The following DSCAML1 variants were observed in gnomAD, a reference collection of about 807,000 sequenced individuals.
The protein encoded by DSCAML1 is DS cell adhesion molecule like 1, also known as cell adhesion molecule DSCAML1.
Under a neutral mutation model 200.5 loss-of-function variants are expected in DSCAML1, and 38 were observed. The ratio of observed to expected loss-of-function variants is 0.19; its 90% CI spans 0.15 to 0.25. DSCAML1 has a LOEUF of 0.25. Among genes scored for constraint, DSCAML1 ranks in the 10% least tolerant of loss-of-function variants. DSCAML1 has a pLI of 1.00. For missense variants in DSCAML1, 2,223 were observed against 2,858.8 expected, an observed-to-expected ratio of 0.78 and a Z score of 5.07; for synonymous variants, 1,215 against 1,165.0, an observed-to-expected ratio of 1.04 and a Z score of -0.87.
At chr11:117,532,008 A>C (rs2050088744) in intron 4 of DSCAML1, among the ~76,000 whole-genome samples, 1 of 151,900 alleles carries the variant, frequency 6.6e-6, no homozygotes, top group East Asian at 1.9e-4. Context: ...GAAAGAAAGG[A>C]TAGAATACTC....
intron 8 of DSCAML1, among the ~76,000 whole-genome samples, chr11:117,515,977 G>A (rs2049757748): frequency 6.6e-6 from 1 of 152,122 alleles, no homozygotes; most frequent in African/African-American, 2.4e-5. Context: ...AGTACTAGCA[G>A]GTGGAAGGGT....
chr11:117,793,630 G>A (rs1591517151), intron 1 of DSCAML1, among the ~76,000 whole-genome samples: 1 of 152,032 alleles, frequency 6.6e-6, no homozygotes, highest in Admixed American at 6.5e-5. Context: ...GCCTGTTTGG[G>A]GCCTGCTTCC....
intron 3 of DSCAML1, among the ~76,000 whole-genome samples, chr11:117,700,395 C>T (rs2053646695): frequency 6.6e-6 from 1 of 152,194 alleles, no homozygotes; most frequent in African/African-American, 2.4e-5. Flanking sequence ...TATCCTCCTT[C>T]ATGCCAAGAA....
chr11:117,532,725 C>T (rs565598285), intron 3 of DSCAML1, among the ~76,000 whole-genome samples: 3 of 152,224 alleles, frequency 2.0e-5, no homozygotes, highest in Non-Finnish European at 2.9e-5. Context: ...ATCTGGGTCC[C>T]GATCTGGCTT....
intron 3 of DSCAML1, among the ~76,000 whole-genome samples, chr11:117,726,312 G>A (rs929729741): frequency 6.6e-6 from 1 of 151,784 alleles, no homozygotes; most frequent in Non-Finnish European, 1.5e-5. Flanking sequence ...GATGCTTTAG[G>A]AAGTGGCATT....
intron 19 of DSCAML1, among the ~76,000 whole-genome samples, chr11:117,457,327 C>T (rs1490532127): frequency 1.3e-5 from 2 of 152,214 alleles, no homozygotes; most frequent in Non-Finnish European, 2.9e-5. Flanking sequence ...CTCTGGGTTC[C>T]TCACAGGGCC....
At chr11:117,470,907 G>T (rs1001459511) in intron 15 of DSCAML1, among the ~76,000 whole-genome samples, 2 of 152,214 alleles carry the variant, frequency 1.3e-5, no homozygotes, top group Non-Finnish European at 2.9e-5. Context: ...ATGATGTCAT[G>T]AATACATTCT....
chr11:117,471,019 G>T (rs1337670819), intron 15 of DSCAML1, among the ~76,000 whole-genome samples: 1 of 152,164 alleles, frequency 6.6e-6, no homozygotes, highest in Non-Finnish European at 1.5e-5. Context: ...TCAGGATATT[G>T]ATTACTTCAA....
chr11:117,722,138 C>G (rs959728380), intron 3 of DSCAML1, among the ~76,000 whole-genome samples: 4 of 152,116 alleles, frequency 2.6e-5, no homozygotes, highest in Non-Finnish European at 5.9e-5. Context: ...CATCCTTCCT[C>G]CTAGATTCTG....
At chr11:117,624,894 G>C (rs1197570385) in intron 3 of DSCAML1, among the ~76,000 whole-genome samples, 2 of 152,164 alleles carry the variant, frequency 1.3e-5, no homozygotes, top group African/African-American at 4.8e-5. Flanking sequence ...GGGGAGGCAG[G>C]GTTGGATTTT....
intron 3 of DSCAML1, among the ~76,000 whole-genome samples, chr11:117,742,920 T>C (rs1273657593): frequency 3.9e-5 from 6 of 152,186 alleles, no homozygotes; most frequent in Non-Finnish European, 2.9e-5. Flanking sequence ...GGGTTACTTG[T>C]GATGTTGTGG....
intron 1 of DSCAML1, among the ~76,000 whole-genome samples, chr11:117,807,392 T>TG (rs1251349355): frequency 6.6e-6 from 1 of 152,164 alleles, no homozygotes; most frequent in Non-Finnish European, 1.5e-5. Flanking sequence ...CAGAATGATT[T>TG]GGGGGGTGGG....
chr11:117,613,819 G>A (rs12787277), intron 3 of DSCAML1, among the ~76,000 whole-genome samples: 1 of 152,200 alleles, frequency 6.6e-6, no homozygotes, highest in Non-Finnish European at 1.5e-5. Flanking sequence ...ATGCAGGGTT[G>A]GGGGTGTGGG....
intron 21 of DSCAML1, among the ~76,000 whole-genome samples, chr11:117,442,184 T>C (rs2048070417): frequency 6.6e-6 from 1 of 151,214 alleles, no homozygotes; most frequent in African/African-American, 2.4e-5. Context: ...GTGTGTATAG[T>C]GTGTATGTGT....
intron 3 of DSCAML1, among the ~76,000 whole-genome samples, chr11:117,616,473 G>T (rs2051813641): frequency 6.6e-6 from 1 of 152,216 alleles, no homozygotes; most frequent in Non-Finnish European, 1.5e-5. Context: ...TTCATCACAT[G>T]AATATAGCAC....
intron 3 of DSCAML1, among the ~76,000 whole-genome samples, chr11:117,714,882 G>T (rs528030631): frequency 6.9e-6 from 1 of 144,342 alleles, no homozygotes; most frequent in East Asian, 2.1e-4. Flanking sequence ...GGAGACACAC[G>T]ATGACGCAGC....
chr11:117,519,068 T>C (rs2049837826), intron 6 of DSCAML1, among the ~76,000 whole-genome samples: 1 of 152,220 alleles, frequency 6.6e-6, no homozygotes, highest in Non-Finnish European at 1.5e-5. Flanking sequence ...GCAATCATGA[T>C]TATACCCACC....
intron 3 of DSCAML1, among the ~76,000 whole-genome samples, chr11:117,542,089 C>G (rs1489461275): frequency 6.6e-6 from 1 of 152,050 alleles, no homozygotes; most frequent in Non-Finnish European, 1.5e-5. Flanking sequence ...TAGGGTGGAT[C>G]ACTTGAGGTC....
rs111247541 is a variant in DSCAML1, at chr11:117,587,253, AC to A, written c.512-54732del. Among the ~76,000 whole-genome samples the A allele has an allele frequency of 8.7e-5, 12 of 137,866 alleles. No homozygotes were observed. The East Asian group carries it at 2.2e-3, about 25-fold the overall frequency. The allele number at this position is 137,866 out of a possible 152,430, so 90.4% of individuals were successfully genotyped here. A position where few individuals can be genotyped will look rare whatever the true frequency, so the allele number is the denominator to read the frequency against. On this transcript the variant is annotated intron_variant, in intron 3 of 32. Transcript: ENST00000651296. ...TTATGAGCTCATTCGATTCTTTCCA[AC>A]CCCCCCCCACGATTTAGATACTATT...
Sources: allele counts gnomAD v4.1 joint callset (sites outside exome capture counted in the v4.1 genomes callset), GRCh38; gene constraint gnomAD v4.1.1; transcripts MANE v1.5; gene names NCBI Gene and HGNC (gene_info 2026-07-23, HGNC 2026-07-21).